Variants in RABGAP1L observed in about 807,000 individuals in gnomAD.
RABGAP1L encodes the protein rab GTPase-activating protein 1-like.
Under a neutral mutation model 137.7 loss-of-function variants are expected in RABGAP1L, and 63 were observed. The observed-to-expected ratio is 0.46, with a 90% CI of 0.37 to 0.56. The LOEUF is 0.56. RABGAP1L is among the 20% of genes least tolerant of loss of function. RABGAP1L has a pLI of 0.00. For missense variants in RABGAP1L, 1,095 were observed against 1,244.0 expected, an observed-to-expected ratio of 0.88 and a Z score of 1.80; for synonymous variants, 431 against 433.7, an observed-to-expected ratio of 0.99 and a Z score of 0.08.
chr1:174,680,410 G>A (rs72715277), intron 14 of RABGAP1L, among the ~76,000 whole-genome samples: 4,714 of 152,282 alleles, frequency 0.031, 100 homozygotes, highest in Non-Finnish European at 0.044. Flanking sequence ...CCAGGAAACC[G>A]ACCCTCATCA....
chr1:174,299,437 C>G (rs1208216651), intron 10 of RABGAP1L, among the ~76,000 whole-genome samples: 1 of 152,174 alleles, frequency 6.6e-6, no homozygotes, highest in Non-Finnish European at 1.5e-5. Flanking sequence ...TTGAGATTGA[C>G]TCAGCCTCAG....
chr1:174,867,499 T>C (rs1022097425), intron 19 of RABGAP1L, among the ~76,000 whole-genome samples: 5 of 152,202 alleles, frequency 3.3e-5, no homozygotes, highest in Admixed American at 3.3e-4. Flanking sequence ...TATTTCAGGA[T>C]TTCTAAATGG....
chr1:174,336,097 A>G (rs1462279186), intron 11 of RABGAP1L, among the ~76,000 whole-genome samples: 1 of 152,182 alleles, frequency 6.6e-6, no homozygotes, highest in East Asian at 1.9e-4. Flanking sequence ...AGCTTTTACT[A>G]TAGAAACAAG....
chr1:174,232,579 C>G (rs539741014), intron 4 of RABGAP1L, among the ~76,000 whole-genome samples: 2 of 151,576 alleles, frequency 1.3e-5, no homozygotes, highest in Admixed American at 1.3e-4. Context: ...GTCAGGAGAT[C>G]GAGACCATCC....
chr1:174,966,086 A>C (rs533987830), intron 20 of RABGAP1L, among the ~76,000 whole-genome samples: 3 of 152,252 alleles, frequency 2.0e-5, no homozygotes, highest in Admixed American at 6.5e-5. Flanking sequence ...ATACTTGAAC[A>C]AAGTACTTTT....
At chr1:174,515,028 GAA>G (rs2147818945) in intron 13 of RABGAP1L, among the ~76,000 whole-genome samples, 1 of 151,890 alleles carries the variant, frequency 6.6e-6, no homozygotes, top group East Asian at 1.9e-4. Flanking sequence ...ACATTTTTCT[GAA>G]AAAGTTACTA....
intron 1 of RABGAP1L, among the ~76,000 whole-genome samples, chr1:174,190,019 C>G (rs1667093619): frequency 6.6e-6 from 1 of 151,936 alleles, no homozygotes; most frequent in Non-Finnish European, 1.5e-5. Context: ...GAAAGAAGGC[C>G]CTTGGCTGGG....
chr1:174,704,082 C>T (rs1330183233), intron 17 of RABGAP1L, among the ~76,000 whole-genome samples: 13 of 152,198 alleles, frequency 8.5e-5, no homozygotes, highest in Non-Finnish European at 1.6e-4. Flanking sequence ...ACTGCAACCT[C>T]CACCTGCCGG....
intron 19 of RABGAP1L, among the ~76,000 whole-genome samples, chr1:174,901,379 C>T (rs1176712495): frequency 2.0e-5 from 3 of 152,166 alleles, no homozygotes; most frequent in East Asian, 1.9e-4. Context: ...GAAGCAGACA[C>T]GTTCTTCTTC....
At chr1:174,207,950 A>C (rs547208962) in intron 1 of RABGAP1L, among the ~76,000 whole-genome samples, 20 of 152,302 alleles carry the variant, frequency 1.3e-4, no homozygotes, top group African/African-American at 4.6e-4. Flanking sequence ...TTTTTGAATC[A>C]AGTACTCAAG....
chr1:174,342,113 A>G (rs1424000576), intron 11 of RABGAP1L, among the ~76,000 whole-genome samples: 1 of 152,190 alleles, frequency 6.6e-6, no homozygotes. Context: ...AGAGGGAGGT[A>G]AGAATGTTTA....
At chr1:174,263,923 G>T (rs1287285281) in intron 7 of RABGAP1L, among the ~76,000 whole-genome samples, 1 of 151,734 alleles carries the variant, frequency 6.6e-6, no homozygotes, top group Non-Finnish European at 1.5e-5. Flanking sequence ...CTATAAATAG[G>T]ATATGATTAT....
chr1:174,733,032 A>G (rs1406432878), intron 17 of RABGAP1L, among the ~76,000 whole-genome samples: 1 of 152,120 alleles, frequency 6.6e-6, no homozygotes, highest in East Asian at 1.9e-4. Flanking sequence ...CTATAAGGAA[A>G]TCGAGGTAGA....
rs559708112 is a variant in RABGAP1L, at chr1:174,517,478, C to A, written c.1711-119897C>A. On this transcript the variant is annotated intron_variant, in intron 13 of 25. Transcript: ENST00000681986. ...GATCTGGAGTGAACAAATTATATCA[C>A]TGCAGTTCTAGGGGGGCTATTGATA... is the stretch of plus-strand genomic sequence containing the variant. 4.3e-4 allele frequency among the ~76,000 whole-genome samples: 65 copies of A among 152,212 alleles called. 1 individual carries two copies. In the East Asian group the frequency reaches 0.011, roughly 27 times the overall value.
rs757882540 is a variant in RABGAP1L, at chr1:174,221,150, A to G, written c.317A>G (p.Asp106Gly). 3.7e-6 allele frequency: 6 copies of G among 1,611,388 alleles called. No homozygotes were observed. The East Asian group carries it at 1.3e-4, about 36-fold the overall frequency. Reference protein sequence around the residue: ...TNKPSLQLILDPSNTEISTPR... With the variant: ...TNKPSLQLILGPSNTEISTPR... The stretch of plus-strand genomic sequence containing the variant: ...AAGCCATCTCTTCAGTTAATTTTGG[A>G]TCCGTCTAACACAGGTACTGTATTG... The change falls in exon 3 of 26, where the codon GAT becomes GGT. Residue 106 changes from aspartate (D) to glycine (G), a missense_variant. Transcript: ENST00000681986.
intron 13 of RABGAP1L, among the ~76,000 whole-genome samples, chr1:174,611,120 A>C (rs2148211253): frequency 6.7e-6 from 1 of 148,806 alleles, no homozygotes; most frequent in African/African-American, 2.5e-5. Flanking sequence ...TTAGACATGA[A>C]GTCCTTGCCC....
chr1:174,263,949 A>C (rs1312247532), intron 7 of RABGAP1L, among the ~76,000 whole-genome samples: 1 of 152,054 alleles, frequency 6.6e-6, no homozygotes, highest in Non-Finnish European at 1.5e-5. Flanking sequence ...TTCTTTAGTA[A>C]ATATTGTTTA....
chr1:174,176,713 GAAAAAAA>G (rs71563251), intron 1 of RABGAP1L, among the ~76,000 whole-genome samples: 16 of 21,548 alleles, frequency 7.4e-4, no homozygotes, highest in African/African-American at 1.7e-3. Context: ...CCCTTTTTCA[GAAAAAAA>G]AAAAAAAAAA....
intron 10 of RABGAP1L, among the ~76,000 whole-genome samples, chr1:174,295,295 C>A (rs2148732602): frequency 6.6e-6 from 1 of 151,488 alleles, no homozygotes; most frequent in Admixed American, 6.6e-5. Flanking sequence ...CTAACTGCAG[C>A]CTTGAACTCC....
Sources: gnomAD v4.1 joint callset for allele counts (sites outside exome capture counted in the v4.1 genomes callset) on GRCh38, gnomAD v4.1.1 for gene constraint, MANE v1.5 for transcripts, NCBI Gene and HGNC (gene_info 2026-07-23, HGNC 2026-07-21) for gene names.